The following B4GALT6 variants were observed in gnomAD, a reference collection of about 807,000 sequenced individuals.
B4GALT6 encodes the protein beta-1,4-galactosyltransferase 6.
Under a neutral mutation model 46.3 loss-of-function variants are expected in B4GALT6, and 14 were observed. The ratio of observed to expected loss-of-function variants is 0.30; its 90% CI spans 0.20 to 0.47. B4GALT6 has a LOEUF of 0.47. B4GALT6 is among the 20% of genes least tolerant of loss of function. B4GALT6 has a pLI of 0.99. For missense variants in B4GALT6, 386 were observed against 480.1 expected (o/e 0.80, Z 1.83); for synonymous variants, 168 against 162.0 (o/e 1.04, Z -0.28).
At chr18:31,656,406 G>A (rs966214349) in intron 3 of B4GALT6, among the ~76,000 whole-genome samples, 49 of 151,996 alleles carry the variant, frequency 3.2e-4, no homozygotes, top group African/African-American at 1.0e-3. Flanking sequence ...TGGGGCAGGG[G>A]TAGAAGATAC....
the B4GALT6 span, among the ~76,000 whole-genome samples, chr18:31,719,757 G>A: frequency 6.6e-6 from 1 of 152,142 alleles, no homozygotes; most frequent in Non-Finnish European, 1.5e-5. Flanking sequence ...TGGAATCATA[G>A]CGGATCAAAG....
the B4GALT6 span, among the ~76,000 whole-genome samples, chr18:31,697,246 A>G: frequency 1.4e-3 from 218 of 152,228 alleles, 1 homozygote; most frequent in African/African-American, 4.9e-3. Flanking sequence ...AGACTGGGCA[A>G]TGGAGTGAGA....
chr18:31,717,822 C>T, the B4GALT6 span, among the ~76,000 whole-genome samples: 2 of 151,994 alleles, frequency 1.3e-5, no homozygotes, highest in Non-Finnish European at 2.9e-5. Context: ...AGCGTGGTGG[C>T]ACATGCCTGT....
At chr18:31,648,514 G>A (rs1432726031) in intron 3 of B4GALT6, among the ~76,000 whole-genome samples, 1 of 152,156 alleles carries the variant, frequency 6.6e-6, no homozygotes, top group Non-Finnish European at 1.5e-5. Context: ...CCAGTCGTGT[G>A]TGCCAAACTG....
chr18:31,721,341 A>C, the B4GALT6 span, among the ~76,000 whole-genome samples: 11 of 152,358 alleles, frequency 7.2e-5, 1 homozygote, highest in East Asian at 1.2e-3. Flanking sequence ...ATAAAAAAAA[A>C]CCAACAAAAG....
At chr18:31,651,676 C>A (rs1567969962) in intron 3 of B4GALT6, among the ~76,000 whole-genome samples, 1 of 152,180 alleles carries the variant, frequency 6.6e-6, no homozygotes, top group Non-Finnish European at 1.5e-5. Context: ...CATGCTCACT[C>A]TTCAACCTGA....
the B4GALT6 span, among the ~76,000 whole-genome samples, chr18:31,704,928 T>G: frequency 2.6e-5 from 4 of 152,336 alleles, no homozygotes; most frequent in African/African-American, 9.6e-5. Context: ...AAATCTTTTT[T>G]GAGGTAACTA....
intron 1 of B4GALT6, among the ~76,000 whole-genome samples, chr18:31,671,013 C>T (rs192969579): frequency 4.6e-5 from 7 of 152,000 alleles, no homozygotes; most frequent in African/African-American, 1.4e-4. Flanking sequence ...TTTTTCTGAT[C>T]TTGTGATAGT....
intron 6 of B4GALT6, 97 bp downstream of exon 6, chr18:31,630,862 A>G: frequency 7.6e-7 from 1 of 1,316,916 alleles, no homozygotes; most frequent in South Asian, 1.3e-5. Flanking sequence ...GGGGTTCTTG[A>G]GTTCTCTCAG....
the B4GALT6 span, among the ~76,000 whole-genome samples, chr18:31,703,908 C>T: frequency 6.6e-6 from 1 of 152,104 alleles, no homozygotes; most frequent in African/African-American, 2.4e-5. Flanking sequence ...AAATATTATT[C>T]GGAAAGTTAA....
chr18:31,656,964 AAAC>A (rs960450555), intron 3 of B4GALT6, among the ~76,000 whole-genome samples: 1 of 152,358 alleles, frequency 6.6e-6, no homozygotes, highest in South Asian at 2.1e-4. Flanking sequence ...GTGAAAATCG[AAAC>A]AACGAGAAAC....
rs184439282 is a variant in B4GALT6 at position 31,648,439 on chromosome 18, G to T, written c.347-2960C>A. On this transcript the variant is annotated intron_variant, in intron 3 of 8. Transcript: ENST00000306851. ...GAACTGAGTGTCTGAAGAGTGGAGG[G>T]GCTGCCAAGTACCTAGAAGGTCAAG... Among the ~76,000 whole-genome samples, 260 of 152,230 alleles carry T rather than the reference G, an allele frequency of 1.7e-3. 1 individual carries two copies. The highest frequency in any genetic ancestry group is 1.9e-3 in the Non-Finnish European group (126 of 68,016).
intron 1 of B4GALT6, 30 bp from the exon 2 acceptor site, chr18:31,666,402 A>G: frequency 5.4e-6 from 6 of 1,102,886 alleles, no homozygotes; most frequent in Non-Finnish European, 8.0e-6. Context: ...AAAGAATGTC[A>G]TAACACAGTA....
At chr18:31,685,136 G>T (rs2074531059), upstream of B4GALT6, among the ~76,000 whole-genome samples, 1 of 146,644 alleles carries the variant, frequency 6.8e-6, no homozygotes, top group African/African-American at 2.5e-5. Flanking sequence ...GCTGAGCACA[G>T]GCCAGGGCGG....
At chr18:31,685,592 G>T (rs1284598115), upstream of B4GALT6, 3 of 152,514 alleles carry the variant, frequency 2.0e-5, no homozygotes. Flanking sequence ...GCCGCACCGG[G>T]GCCCCACCGC....
intron 2 of B4GALT6, among the ~76,000 whole-genome samples, chr18:31,658,978 T>G (rs2074177975): frequency 6.6e-6 from 1 of 152,168 alleles, no homozygotes; most frequent in Non-Finnish European, 1.5e-5. Flanking sequence ...AGTCCCTTTC[T>G]GGAGCAAAGT....
At chr18:31,700,462 T>TGTGTGTGA in the B4GALT6 span, among the ~76,000 whole-genome samples, 1 of 146,436 alleles carries the variant, frequency 6.8e-6, no homozygotes, top group Non-Finnish European at 1.5e-5. Context: ...TGTGTGTGTG[T>TGTGTGTGA]GTGTGTGAGA....
chr18:31,703,588 G>C, the B4GALT6 span, among the ~76,000 whole-genome samples: 1 of 152,174 alleles, frequency 6.6e-6, no homozygotes. Context: ...AACCTGACTT[G>C]AGAAAACATA....
upstream of B4GALT6, chr18:31,685,721 A>C (rs796547870): frequency 8.5e-5 from 13 of 152,312 alleles, no homozygotes; most frequent in African/African-American, 3.1e-4. Flanking sequence ...ATAATGAAGG[A>C]TGCTGTACCT....
Sources: gnomAD v4.1 joint callset for allele counts (sites outside exome capture counted in the v4.1 genomes callset) on GRCh38, gnomAD v4.1.1 for gene constraint, MANE v1.5 for transcripts, NCBI Gene and HGNC (gene_info 2026-07-23, HGNC 2026-07-21) for gene names.